NRG1: variants seen among roughly 807,000 people sequenced by gnomAD.
The protein encoded by NRG1 is pro-neuregulin-1, membrane-bound isoform.
A neutral mutation model predicts 63.8 loss-of-function variants in NRG1; 18 were observed. The observed-to-expected ratio is 0.28, with a 90% confidence interval of 0.19 to 0.42. NRG1 has a LOEUF of 0.42. Among genes scored for constraint, NRG1 ranks in the 10% least tolerant of loss-of-function variants. NRG1 has a pLI of 1.00. For synonymous variants in NRG1, 302 were observed against 301.3 expected (o/e 1.00, Z -0.02); for missense variants, 762 against 814.7 (o/e 0.94, Z 0.79).
chr8:32,652,250 A>G (rs1855293506), intron 5 of NRG1, among the ~76,000 whole-genome samples: 1 of 152,102 alleles, frequency 6.6e-6, no homozygotes, highest in Admixed American at 6.5e-5. Context: ...CTAAAATTAA[A>G]TTTTCTTCTC....
At chr8:32,443,630 A>C (rs1278916242) in intron 1 of NRG1, among the ~76,000 whole-genome samples, 2 of 152,206 alleles carry the variant, frequency 1.3e-5, no homozygotes, top group Non-Finnish European at 2.9e-5. Flanking sequence ...GTCCGTATGA[A>C]CACAAACTCC....
chr8:32,235,503 T>G (rs1441157730), intron 1 of NRG1, among the ~76,000 whole-genome samples: 1 of 152,084 alleles, frequency 6.6e-6, no homozygotes, highest in African/African-American at 2.4e-5. Flanking sequence ...TTTACATAAA[T>G]AGCATCTTCT....
chr8:32,416,401 T>A (rs1815923223), intron 1 of NRG1, among the ~76,000 whole-genome samples: 1 of 149,898 alleles, frequency 6.7e-6, no homozygotes, highest in African/African-American at 2.4e-5. Flanking sequence ...TTCTGTCTCT[T>A]TCACATGCCT....
At chr8:32,512,407 T>C (rs1829324383) in intron 1 of NRG1, among the ~76,000 whole-genome samples, 1 of 152,204 alleles carries the variant, frequency 6.6e-6, no homozygotes. Flanking sequence ...ATCATAGCTT[T>C]ATGATCACAT....
rs140030500 is a variant in NRG1 at position 32,627,798 on chromosome 8, A to G, written c.502+10913A>G. 4.5e-3 allele frequency among the ~76,000 whole-genome samples: 684 copies of G among 152,352 alleles called. 4 individuals are homozygous for G. The highest frequency in any genetic ancestry group is 7.4e-3 in the Non-Finnish European group (502 of 68,034). On this transcript the variant is annotated intron_variant, in intron 5 of 11. Coordinates refer to ENST00000356819, the Ensembl canonical transcript of NRG1. ...ATTATAAAACAAAAATTTTGCCTGTATGATCATTCCTCCCTCAATTTTCTT... is the reference window on the plus strand; with the variant it reads ...ATTATAAAACAAAAATTTTGCCTGTGTGATCATTCCTCCCTCAATTTTCTT...
At chr8:32,448,094 T>A (rs1407388281) in intron 1 of NRG1, among the ~76,000 whole-genome samples, 1 of 152,216 alleles carries the variant, frequency 6.6e-6, no homozygotes. Flanking sequence ...CACTTCAGTT[T>A]GAGTCTCCAC....
chr8:32,270,593 T>C (rs1851439973), intron 1 of NRG1, among the ~76,000 whole-genome samples: 1 of 152,226 alleles, frequency 6.6e-6, no homozygotes, highest in Non-Finnish European at 1.5e-5. Context: ...ATTTAATAAG[T>C]GTTACAGAGT....
chr8:32,361,752 G>T (rs1260643458), intron 1 of NRG1, among the ~76,000 whole-genome samples: 1 of 152,138 alleles, frequency 6.6e-6, no homozygotes, highest in Non-Finnish European at 1.5e-5. Context: ...TTGCCACCAG[G>T]CTTAGGTTCA....
At chr8:31,779,451 C>A (rs1205983549) in intron 1 of NRG1, among the ~76,000 whole-genome samples, 1 of 143,344 alleles carries the variant, frequency 7.0e-6, no homozygotes, top group Non-Finnish European at 1.6e-5. Context: ...CGGAGACAGC[C>A]CAGAAGGGAA....
chr8:32,099,682 A>G (rs1585284537), intron 1 of NRG1: 1 of 152,350 alleles, frequency 6.6e-6, no homozygotes, highest in South Asian at 2.1e-4. Context: ...GCTTTACACC[A>G]GTTGTTGAAG....
chr8:32,599,269 A>T (rs1843900643), intron 2 of NRG1, among the ~76,000 whole-genome samples: 1 of 152,150 alleles, frequency 6.6e-6, no homozygotes, highest in African/African-American at 2.4e-5. Flanking sequence ...GCTATGATCA[A>T]CCAAGCAGAG....
chr8:32,158,272 C>G (rs1034622591), intron 1 of NRG1, among the ~76,000 whole-genome samples: 3 of 151,500 alleles, frequency 2.0e-5, no homozygotes, highest in Non-Finnish European at 2.9e-5. Flanking sequence ...GCTGTGATCA[C>G]CCAGGGTACT....
intron 1 of NRG1, among the ~76,000 whole-genome samples, chr8:31,803,075 G>T (rs1401118852): frequency 6.6e-6 from 1 of 152,150 alleles, no homozygotes; most frequent in Non-Finnish European, 1.5e-5. Context: ...TGCCATGAAG[G>T]ATGAGTCAGA....
At chr8:32,450,128 G>A (rs576530978) in intron 1 of NRG1, among the ~76,000 whole-genome samples, 65 of 152,304 alleles carry the variant, frequency 4.3e-4, no homozygotes, top group African/African-American at 1.5e-3. Context: ...GCCTTCAGGG[G>A]ACTAAGCAGG....
intron 1 of NRG1, among the ~76,000 whole-genome samples, chr8:31,650,504 T>G (rs1005667512): frequency 3.9e-5 from 6 of 152,192 alleles, no homozygotes; most frequent in Admixed American, 6.5e-5. Flanking sequence ...TGCCTCGATC[T>G]TCTTCCACCC....
chr8:31,945,555 C>T (rs958282010), intron 1 of NRG1, among the ~76,000 whole-genome samples: 17 of 152,160 alleles, frequency 1.1e-4, no homozygotes, highest in Admixed American at 3.9e-4. Context: ...TGATGTCTTG[C>T]CATCTGCAGT....
intron 1 of NRG1, among the ~76,000 whole-genome samples, chr8:32,105,211 CA>C (rs1831106347): frequency 6.6e-6 from 1 of 152,244 alleles, no homozygotes; most frequent in South Asian, 2.1e-4. Context: ...GGCAATCCAT[CA>C]GTGACCAAAA....
chr8:31,848,562 C>T (rs781603877), intron 1 of NRG1, among the ~76,000 whole-genome samples: 7 of 152,184 alleles, frequency 4.6e-5, no homozygotes, highest in East Asian at 1.9e-4. Flanking sequence ...CAGCAGGAGG[C>T]GAGCTGCAGG....
At chr8:31,750,822 A>C (rs1816384913) in intron 1 of NRG1, among the ~76,000 whole-genome samples, 1 of 151,918 alleles carries the variant, frequency 6.6e-6, no homozygotes, top group Non-Finnish European at 1.5e-5. Context: ...GCTTTCTTCT[A>C]GTTTTGTAGA....
Sources: allele counts gnomAD v4.1 joint callset (sites outside exome capture counted in the v4.1 genomes callset), GRCh38; gene constraint gnomAD v4.1.1; transcripts MANE v1.5; gene names NCBI Gene and HGNC (gene_info 2026-07-23, HGNC 2026-07-21).